PDE10A: variants seen among roughly 807,000 people sequenced by gnomAD.
PDE10A encodes phosphodiesterase 10A.
A neutral mutation model predicts 97.7 loss-of-function variants in PDE10A; 39 were observed. That is an observed-to-expected ratio of 0.40 (90% CI 0.31 to 0.52). PDE10A has a LOEUF of 0.52. Ranked by LOEUF, PDE10A falls within the 20% of genes least tolerant of loss-of-function variation. The pLI is 0.56. For synonymous variants in PDE10A, 371 were observed against 376.8 expected (o/e 0.98, Z 0.18); for missense variants, 731 against 1,047.8 (o/e 0.70, Z 4.17).
At chr6:165,506,028 C>G (rs1295037400) in intron 2 of PDE10A, among the ~76,000 whole-genome samples, 1 of 152,154 alleles carries the variant, frequency 6.6e-6, no homozygotes, top group African/African-American at 2.4e-5. Context: ...ACTGCCTCCA[C>G]TCATGGTAAC....
intron 1 of PDE10A, among the ~76,000 whole-genome samples, chr6:165,854,393 C>G (rs1780655949): frequency 6.6e-6 from 1 of 152,140 alleles, no homozygotes; most frequent in African/African-American, 2.4e-5. Flanking sequence ...GAGAGAAAGC[C>G]AAGACCAGGT....
intron 2 of PDE10A, among the ~76,000 whole-genome samples, chr6:165,483,475 C>T (rs564049042): frequency 6.6e-6 from 1 of 152,310 alleles, no homozygotes; most frequent in Admixed American, 6.5e-5. Context: ...TTATCTTCTA[C>T]ATTGAAGTGG....
chr6:165,766,733 A>G (rs1440284988), intron 1 of PDE10A, among the ~76,000 whole-genome samples: 1 of 152,234 alleles, frequency 6.6e-6, no homozygotes, highest in Non-Finnish European at 1.5e-5. Context: ...CTCCTTCCTG[A>G]GAGAAGCAGG....
chr6:165,501,354 G>A (rs888007589), intron 2 of PDE10A, among the ~76,000 whole-genome samples: 1 of 152,182 alleles, frequency 6.6e-6, no homozygotes, highest in Non-Finnish European at 1.5e-5. Flanking sequence ...GAGGTCAGGA[G>A]ATCGAGACCA....
Position 165,485,655 on chromosome 6 carries a change from T to C in PDE10A, c.995-3312A>G, listed in dbSNP as rs374048085. 5.2e-4 allele frequency among the ~76,000 whole-genome samples: 78 copies of C among 150,544 alleles called. 1 individual carries two copies. The East Asian group carries it at 0.013, about 25-fold the overall frequency. On this transcript the variant is annotated intron_variant, in intron 2 of 21. Coordinates refer to ENST00000539869, the MANE Select transcript of PDE10A (RefSeq NM_001385079.1). ...TTGCCCAGGCTGGAGTGCAATGGCG[T>C]GATCTCAGCTCACTGCAACCTCTGC...
chr6:165,494,767 A>G (rs1780442267), intron 2 of PDE10A, among the ~76,000 whole-genome samples: 2 of 152,082 alleles, frequency 1.3e-5, no homozygotes. Flanking sequence ...TAAATCTTCC[A>G]TGAGTAAGTA....
chr6:165,477,085 T>C (rs2128277555), intron 3 of PDE10A, among the ~76,000 whole-genome samples: 1 of 152,216 alleles, frequency 6.6e-6, no homozygotes, highest in South Asian at 2.1e-4. Flanking sequence ...TGACAGAGTA[T>C]CCCTCAAATC....
chr6:165,911,380 A>G (rs1782449271), intron 1 of PDE10A, among the ~76,000 whole-genome samples: 1 of 152,214 alleles, frequency 6.6e-6, no homozygotes, highest in African/African-American at 2.4e-5. Flanking sequence ...CAAAATGACA[A>G]AATTAGAAAA....
intron 1 of PDE10A, among the ~76,000 whole-genome samples, chr6:165,806,783 C>A (rs1209345842): frequency 6.6e-6 from 1 of 152,182 alleles, no homozygotes; most frequent in African/African-American, 2.4e-5. Context: ...AAGGACCTCA[C>A]ACACTGAGGA....
At chr6:165,721,892 A>C (rs1280571705) in intron 1 of PDE10A, among the ~76,000 whole-genome samples, 1 of 152,198 alleles carries the variant, frequency 6.6e-6, no homozygotes, top group Non-Finnish European at 1.5e-5. Flanking sequence ...AAAGCTCCTA[A>C]ATCTTTCCTC....
At chr6:165,520,589 A>G (rs1782072210) in intron 2 of PDE10A, among the ~76,000 whole-genome samples, 1 of 152,140 alleles carries the variant, frequency 6.6e-6, no homozygotes, top group South Asian at 2.1e-4. Context: ...AGCACTAAGA[A>G]TTTCCTAACT....
At chr6:165,345,837 G>C (rs964160182) in intron 18 of PDE10A, among the ~76,000 whole-genome samples, 1 of 152,144 alleles carries the variant, frequency 6.6e-6, no homozygotes, top group Non-Finnish European at 1.5e-5. Context: ...ACAGTCAACA[G>C]GTCAAAACTT....
At chr6:165,971,219 T>C (rs1305888690) in intron 1 of PDE10A, among the ~76,000 whole-genome samples, 1 of 152,190 alleles carries the variant, frequency 6.6e-6, no homozygotes, top group African/African-American at 2.4e-5. Context: ...AAATTTTTTT[T>C]AAATGGCACA....
chr6:165,674,120 G>T (rs1332763511), intron 1 of PDE10A, among the ~76,000 whole-genome samples: 1 of 152,114 alleles, frequency 6.6e-6, no homozygotes, highest in Non-Finnish European at 1.5e-5. Context: ...CATTGCCCAG[G>T]TTCAAATCTT....
chr6:165,349,024 G>A (rs1458288610), intron 18 of PDE10A, among the ~76,000 whole-genome samples: 1 of 152,138 alleles, frequency 6.6e-6, no homozygotes, highest in Non-Finnish European at 1.5e-5. Context: ...CTTCATAGCA[G>A]CATGAGAATA....
chr6:165,487,366 C>T (rs895494923), intron 2 of PDE10A, among the ~76,000 whole-genome samples: 1 of 152,128 alleles, frequency 6.6e-6, no homozygotes. Context: ...TCACCCCAGA[C>T]GGGACTGTCT....
chr6:165,952,569 G>T (rs1446735210), intron 1 of PDE10A, among the ~76,000 whole-genome samples: 1 of 152,180 alleles, frequency 6.6e-6, no homozygotes, highest in Non-Finnish European at 1.5e-5. Flanking sequence ...GTCAACATTT[G>T]CTTTTCTTCT....
chr6:165,926,391 C>G (rs1009476689), intron 1 of PDE10A, among the ~76,000 whole-genome samples: 3 of 152,220 alleles, frequency 2.0e-5, no homozygotes, highest in African/African-American at 7.2e-5. Flanking sequence ...TGAGAAACCT[C>G]TCCTATTTTG....
At chr6:165,608,970 G>C (rs924937316) in intron 1 of PDE10A, among the ~76,000 whole-genome samples, 13 of 151,894 alleles carry the variant, frequency 8.6e-5, no homozygotes, top group Non-Finnish European at 1.5e-4. Flanking sequence ...TTTTTTTCTT[G>C]TAAATTTGTT....
Sources: gnomAD v4.1 joint callset for allele counts (sites outside exome capture counted in the v4.1 genomes callset) on GRCh38, gnomAD v4.1.1 for gene constraint, MANE v1.5 for transcripts, NCBI Gene and HGNC (gene_info 2026-07-23, HGNC 2026-07-21) for gene names.